Variants in GABRA2 observed in about 807,000 individuals in gnomAD.
GABRA2 encodes gamma-aminobutyric acid type A receptor subunit alpha2.
GABRA2 carries 16 observed loss-of-function variants against 48.7 expected under a neutral mutation model. The ratio of observed to expected loss-of-function variants is 0.33; its 90% CI spans 0.22 to 0.50. The LOEUF is 0.50. Ranked by LOEUF, GABRA2 falls within the 20% of genes least tolerant of loss-of-function variation. The pLI is 0.98. For synonymous variants in GABRA2, 185 were observed against 184.5 expected, an observed-to-expected ratio of 1.00 and a Z score of -0.02; for missense variants, 275 against 535.6, an observed-to-expected ratio of 0.51 and a Z score of 4.80.
intron 3 of GABRA2, among the ~76,000 whole-genome samples, chr4:46,351,553 T>C (rs1735129353): frequency 6.6e-6 from 1 of 151,932 alleles, no homozygotes; most frequent in African/African-American, 2.4e-5. Flanking sequence ...TCTTAGACAG[T>C]TCCCACCAAA....
chr4:46,359,567 A>C (rs1712815981), intron 3 of GABRA2, among the ~76,000 whole-genome samples: 1 of 152,160 alleles, frequency 6.6e-6, no homozygotes, highest in Non-Finnish European at 1.5e-5. Flanking sequence ...TCTATTGTTC[A>C]GTACTCTATA....
chr4:46,338,399 G>A (rs1553917859), intron 3 of GABRA2, among the ~76,000 whole-genome samples: 2 of 151,658 alleles, frequency 1.3e-5, no homozygotes, highest in Non-Finnish European at 2.9e-5. Flanking sequence ...GCATATTTAG[G>A]AAAAAAACTT....
At chr4:46,308,067 C>T (rs894055025) in intron 6 of GABRA2, among the ~76,000 whole-genome samples, 2 of 152,190 alleles carry the variant, frequency 1.3e-5, no homozygotes, top group South Asian at 4.1e-4. Context: ...TCCTATGTTG[C>T]ATTAAGCAGA....
At chr4:46,330,813 T>C (rs1434888827) in intron 4 of GABRA2, among the ~76,000 whole-genome samples, 2 of 151,976 alleles carry the variant, frequency 1.3e-5, no homozygotes, top group South Asian at 4.1e-4. Flanking sequence ...TTATATAATA[T>C]GCTAATTTCT....
chr4:46,325,901 T>C (rs755113551), intron 4 of GABRA2, among the ~76,000 whole-genome samples: 3 of 151,998 alleles, frequency 2.0e-5, no homozygotes, highest in Admixed American at 6.6e-5. Flanking sequence ...GTGGCTTTAT[T>C]TCTGGGTTCT....
At chr4:46,338,428 C>T (rs1732640231) in intron 3 of GABRA2, among the ~76,000 whole-genome samples, 1 of 151,938 alleles carries the variant, frequency 6.6e-6, no homozygotes. Flanking sequence ...TTATCCTACT[C>T]TTACTTGTAT....
intron 8 of GABRA2, among the ~76,000 whole-genome samples, chr4:46,291,792 C>CATATATATGTATATATATATATATAT (rs3068359): frequency 5.4e-5 from 8 of 147,568 alleles, no homozygotes; most frequent in Non-Finnish European, 1.2e-4. Flanking sequence ...TATATATATA[C>CATATATATGTATATATATATATATAT]ATATACATAT....
At chr4:46,297,276 C>CA (rs965590011) in intron 8 of GABRA2, among the ~76,000 whole-genome samples, 5 of 151,086 alleles carry the variant, frequency 3.3e-5, no homozygotes, top group African/African-American at 4.9e-5. Flanking sequence ...ATAAAGCAGG[C>CA]AAAAAAACGT....
chr4:46,368,887 C>A (rs1460630358), intron 3 of GABRA2: 2 of 555,148 alleles, frequency 3.6e-6, no homozygotes, highest in Non-Finnish European at 6.6e-6. Flanking sequence ...GTTCTTCAAT[C>A]TCCATTATGC....
intron 4 of GABRA2, among the ~76,000 whole-genome samples, chr4:46,314,456 T>C (rs1728203789): frequency 6.6e-6 from 1 of 152,128 alleles, no homozygotes; most frequent in Non-Finnish European, 1.5e-5. Flanking sequence ...TTTTGTACAT[T>C]TTAATGATGT....
At chr4:46,292,315 A>G (rs1450674827) in intron 8 of GABRA2, among the ~76,000 whole-genome samples, 1 of 152,172 alleles carries the variant, frequency 6.6e-6, no homozygotes, top group Non-Finnish European at 1.5e-5. Flanking sequence ...AAAGAGCTGA[A>G]ATGGTGAAAA....
At chr4:46,303,823 G>A (rs748453544) in intron 7 of GABRA2, among the ~76,000 whole-genome samples, 1 of 152,102 alleles carries the variant, frequency 6.6e-6, no homozygotes, top group Non-Finnish European at 1.5e-5. Flanking sequence ...TGCAGCTCAC[G>A]TCCCATGATA....
chr4:46,301,333 G>A (rs1330806453), intron 8 of GABRA2, among the ~76,000 whole-genome samples: 2 of 152,168 alleles, frequency 1.3e-5, no homozygotes, highest in African/African-American at 4.8e-5. Context: ...GAAAAAGAAC[G>A]GCTAACAATT....
rs966699842 is a variant in GABRA2, at chr4:46,390,111, G to C, written c.-387C>G. 3.1e-6 allele frequency: 3 copies of C among 975,304 alleles called. No homozygotes were observed. Among genetic ancestry groups the C allele is most frequent in the Non-Finnish European group, 3.7e-6 (3 of 821,024 alleles). 60.4% of individuals were successfully genotyped at this position (975,304 alleles called of 1,614,324 possible). A position where few individuals can be genotyped will look rare whatever the true frequency, so the allele number is the denominator to read the frequency against. ...GGCGCGGTGCGCGCCGGCGGTGGCG[G>C]GCACGAGCCCCGCGCCTGGAGGAGG... On this transcript the variant is annotated 5_prime_UTR_variant, in exon 1 of 10. Transcript: ENST00000381620.
At chr4:46,389,515 C>T (rs1437606253) in intron 1 of GABRA2, 2 of 582,818 alleles carry the variant, frequency 3.4e-6, no homozygotes, top group South Asian at 7.5e-5. Context: ...AACGTGCTGC[C>T]GAGCAGGTGT....
intron 3 of GABRA2, chr4:46,367,449 T>C (rs1380729017): frequency 6.6e-6 from 1 of 152,092 alleles, no homozygotes; most frequent in Non-Finnish European, 1.5e-5. Flanking sequence ...TGGCAATTAC[T>C]GTCACGGAGG....
intron 8 of GABRA2, among the ~76,000 whole-genome samples, chr4:46,284,864 C>T (rs17459039): frequency 0.028 from 4,315 of 151,482 alleles, 104 homozygotes; most frequent in Non-Finnish European, 0.038. Context: ...GTGGATTACC[C>T]ACAACGTAAA....
intron 6 of GABRA2, among the ~76,000 whole-genome samples, chr4:46,309,817 CT>C (rs1560509797): frequency 6.6e-6 from 1 of 152,058 alleles, no homozygotes; most frequent in Non-Finnish European, 1.5e-5. Flanking sequence ...AGAATCTATC[CT>C]TTCCAATTCA....
intron 8 of GABRA2, among the ~76,000 whole-genome samples, chr4:46,288,877 A>G (rs1723051526): frequency 7.3e-6 from 1 of 137,156 alleles, no homozygotes; most frequent in African/African-American, 2.5e-5. Context: ...AGGAAAAAAA[A>G]CAATGAAAGT....
Sources: gnomAD v4.1 joint callset for allele counts (sites outside exome capture counted in the v4.1 genomes callset) on GRCh38, gnomAD v4.1.1 for gene constraint, MANE v1.5 for transcripts, NCBI Gene and HGNC (gene_info 2026-07-23, HGNC 2026-07-21) for gene names.